Variants in TBC1D15 observed in about 807,000 individuals in gnomAD.
TBC1D15 encodes the protein GAP for RAB7.
A neutral mutation model predicts 95.4 loss-of-function variants in TBC1D15; 39 were observed. The observed-to-expected ratio is 0.41, with a 90% CI of 0.32 to 0.53. The LOEUF (loss-of-function observed/expected upper bound fraction) is 0.53, where lower values mean the gene tolerates loss of function less well. Ranked by LOEUF, TBC1D15 falls within the 20% of genes least tolerant of loss-of-function variation. TBC1D15 has a pLI of 0.29. For synonymous variants in TBC1D15, 258 were observed against 261.3 expected (o/e 0.99, Z 0.12); for missense variants, 733 against 794.3 (o/e 0.92, Z 0.93).
intron 3 of TBC1D15, among the ~76,000 whole-genome samples, chr12:71,878,059 G>A (rs957733275): frequency 6.6e-6 from 1 of 152,124 alleles, no homozygotes; most frequent in African/African-American, 2.4e-5. Context: ...CAAAGTTCAC[G>A]TCTTTTTGGG....
At position 71,897,916 on chromosome 12, in the gene TBC1D15, G is replaced by A. The variant is rs150295096; in HGVS notation, c.1158G>A (p.Arg386=). The change falls in exon 10 of 17, where the codon AGG becomes AGA. Residue 386 remains arginine, a synonymous_variant. Transcript: ENST00000485960. ...AGGAACAAGAGAAAAGAAATTCGAG[G>A]TTAAGAGATTATAGAAGTCTTATCG... ...ISQEQEKRNS[R]LRDYRSLIEK... The A allele has an allele frequency of 1.6e-5, 25 of 1,612,528 alleles. No individual in the cohort carries two copies. The South Asian group carries it at 2.6e-4, about 17-fold the overall frequency.
intron 1 of TBC1D15, chr12:71,854,506 C>T (rs912820174): frequency 2.2e-6 from 1 of 451,324 alleles, no homozygotes; most frequent in African/African-American, 2.0e-5. Flanking sequence ...AAGATTTTAC[C>T]ATTTCCTTCT....
intron 10 of TBC1D15, among the ~76,000 whole-genome samples, chr12:71,906,069 C>T (rs373604394): frequency 2.1e-4 from 32 of 152,036 alleles, no homozygotes; most frequent in East Asian, 1.4e-3. Flanking sequence ...GACAGGGTTT[C>T]GCCATGTTGG....
At chr12:71,850,339 A>C (rs1887462356) in intron 1 of TBC1D15, 1 of 377,902 alleles carries the variant, frequency 2.6e-6, no homozygotes, top group South Asian at 2.4e-5. Flanking sequence ...GTTCTAAACC[A>C]GTGCATTTCA....
intron 1 of TBC1D15, among the ~76,000 whole-genome samples, chr12:71,855,736 C>T (rs1395401658): frequency 2.0e-5 from 3 of 151,302 alleles, no homozygotes; most frequent in Non-Finnish European, 1.5e-5. Flanking sequence ...CGTACCACCC[C>T]TTGTCTCCTA....
Position 71,845,381 on chromosome 12 carries a change from A to G in TBC1D15, c.30+5570A>G, listed in dbSNP as rs561433116. On this transcript the variant is annotated intron_variant, in intron 1 of 16. Coordinates refer to ENST00000485960, the MANE Select transcript of TBC1D15 (RefSeq NM_001146213.3). Reference sequence around the variant, plus strand: ...ATTTTAGTGACTTAGGCTAGAAATGATAAGGGGCCAGTGTCAGAGGAGAAG... The same window carrying G: ...ATTTTAGTGACTTAGGCTAGAAATGGTAAGGGGCCAGTGTCAGAGGAGAAG... 2.6e-4 allele frequency among the ~76,000 whole-genome samples: 39 copies of G among 152,314 alleles called. No homozygotes were observed. The South Asian group carries it at 7.7e-3, about 30-fold the overall frequency.
At position 71,907,141 on chromosome 12, in the gene TBC1D15, A is replaced by G; in HGVS notation, c.1300+3A>G. ...CTGTATGTATGATTTTGATTTAGGT[A>G]AGTTCTCTAAAGTTCTAATTTTAAA... On this transcript the variant is annotated splice_donor_region_variant and intron_variant, in intron 11 of 16. Coordinates refer to ENST00000485960, the MANE Select transcript of TBC1D15 (RefSeq NM_001146213.3). The G allele has an allele frequency of 6.8e-7, 1 of 1,464,710 alleles. No homozygotes were observed. Among genetic ancestry groups the G allele is most frequent in the Non-Finnish European group, 9.4e-7 (1 of 1,060,954 alleles). 90.7% of individuals were successfully genotyped at this position (1,464,710 alleles called of 1,614,324 possible). A position where few individuals can be genotyped will look rare whatever the true frequency, so the allele number is the denominator to read the frequency against.
chr12:71,882,869 C>T (rs181048212), intron 4 of TBC1D15, among the ~76,000 whole-genome samples: 106 of 152,142 alleles, frequency 7.0e-4, no homozygotes, highest in Non-Finnish European at 1.3e-3. Context: ...AATATTTCTT[C>T]GTCACAGCTT....
At position 71,922,853 on chromosome 12, in the gene TBC1D15, C is replaced by T. The variant is rs376738872; in HGVS notation, c.1804-130C>T. ...TGAGAAAAATGTTGTGAGAAGGGTACATGACATTTACACTGTTAGGACAAA... is the reference window on the plus strand; with the variant it reads ...TGAGAAAAATGTTGTGAGAAGGGTATATGACATTTACACTGTTAGGACAAA... On this transcript the variant is annotated intron_variant, in intron 16 of 16. Transcript: ENST00000485960. The T allele has an allele frequency of 1.1e-3, 970 of 854,168 alleles. 18 individuals are homozygous for T. In the South Asian group the frequency reaches 0.016, roughly 14 times the overall value. 52.9% of individuals were successfully genotyped at this position (854,168 alleles called of 1,614,324 possible). A position where few individuals can be genotyped will look rare whatever the true frequency, so the allele number is the denominator to read the frequency against.
intron 3 of TBC1D15, 70 bp from the exon 4 acceptor site, chr12:71,880,399 C>T: frequency 7.3e-7 from 1 of 1,361,934 alleles, no homozygotes; most frequent in Admixed American, 2.4e-5. Context: ...AACATTGAAG[C>T]TAAGATGATA....
rs776011192 is a variant in TBC1D15, at chr12:71,880,451, A to T, written c.205-18A>T. 6.6e-7 allele frequency: 1 copy of T among 1,525,778 alleles called. No homozygotes were observed. Among genetic ancestry groups the T allele is most frequent in the Non-Finnish European group, 8.8e-7 (1 of 1,133,376 alleles). The allele number at this position is 1,525,778 out of a possible 1,614,324, so 94.5% of individuals were successfully genotyped here. A position where few individuals can be genotyped will look rare whatever the true frequency, so the allele number is the denominator to read the frequency against. ...TTGTTTTAGACTTTAAATATTTTAT[A>T]TGTTATAATTATTTTAGGACTCCAG... On this transcript the variant is annotated intron_variant, in intron 3 of 16. Transcript: ENST00000485960.
Position 71,884,956 on chromosome 12 carries a change from A to T in TBC1D15, c.489A>T (p.Leu163=), listed in dbSNP as rs748701195. ...AGGATGACGTCGTTCTCCCTGCTCT[A>T]CACTTTCATCAAGGAGATAGCAAAC... The part of the protein sequence containing the change: ...CLKDDVVLPA[L]HFHQGDSKLL... Residue 163 remains leucine (L), a synonymous_variant, in exon 5 of 17, where the codon CTA becomes CTT. Coordinates refer to ENST00000485960, the MANE Select transcript of TBC1D15 (RefSeq NM_001146213.3). 1 of 1,614,060 alleles carries T rather than the reference A, an allele frequency of 6.2e-7. No individual in the cohort carries two copies. The highest frequency in any genetic ancestry group is 1.7e-5 in the Admixed American group (1 of 60,028).
chr12:71,877,881 CT>C (rs1555199596), intron 3 of TBC1D15, among the ~76,000 whole-genome samples: 1 of 152,116 alleles, frequency 6.6e-6, no homozygotes, highest in Non-Finnish European at 1.5e-5. Flanking sequence ...CTGTAGATAA[CT>C]TGTCTTTGAT....
intron 1 of TBC1D15, among the ~76,000 whole-genome samples, chr12:71,853,389 A>G (rs1014372287): frequency 1.3e-5 from 2 of 152,206 alleles, no homozygotes; most frequent in Admixed American, 1.3e-4. Flanking sequence ...AAATTTGGGC[A>G]GGGACACAGA....
At chr12:71,851,276 T>G (rs1377532372) in intron 1 of TBC1D15, among the ~76,000 whole-genome samples, 1 of 152,062 alleles carries the variant, frequency 6.6e-6, no homozygotes, top group Non-Finnish European at 1.5e-5. Context: ...TGGATGGTGT[T>G]AAACCGTGAG....
At chr12:71,898,007 AGAAGT>A in intron 10 of TBC1D15, 66 bp downstream of exon 10, 2 of 1,199,786 alleles carry the variant, frequency 1.7e-6, no homozygotes, top group Non-Finnish European at 2.5e-6. Flanking sequence ...ATAAGAGTAA[AGAAGT>A]GAAGATACAT....
intron 1 of TBC1D15, among the ~76,000 whole-genome samples, chr12:71,870,259 T>C (rs549694117): frequency 1.9e-4 from 29 of 152,242 alleles, no homozygotes; most frequent in Admixed American, 5.9e-4. Flanking sequence ...TTCTCCTCCT[T>C]CTCCTTCCTC....
At chr12:71,847,659 C>T (rs1445282935) in intron 1 of TBC1D15, among the ~76,000 whole-genome samples, 2 of 151,680 alleles carry the variant, frequency 1.3e-5, no homozygotes, top group Non-Finnish European at 2.9e-5. Flanking sequence ...TGTGCCACTG[C>T]TCTCCAGCCT....
chr12:71,859,901 A>G (rs1890011864), intron 1 of TBC1D15, among the ~76,000 whole-genome samples: 1 of 152,182 alleles, frequency 6.6e-6, no homozygotes, highest in Admixed American at 6.5e-5. Context: ...ATGAGCTACC[A>G]TGCCTAGCCT....
Sources: allele counts gnomAD v4.1 joint callset (sites outside exome capture counted in the v4.1 genomes callset), GRCh38; gene constraint gnomAD v4.1.1; transcripts MANE v1.5; gene names NCBI Gene and HGNC (gene_info 2026-07-23, HGNC 2026-07-21).